Variants in AGBL1 observed in about 807,000 individuals in gnomAD.
The protein encoded by AGBL1 is cytosolic carboxypeptidase 4.
In AGBL1, 130 loss-of-function variants were observed where a neutral mutation model predicts 118.9. That is an observed-to-expected ratio of 1.09 (90% CI 0.95 to 1.26). The LOEUF is 1.26. Among genes scored for constraint, AGBL1 ranks in the 50% most tolerant of loss-of-function variants. The pLI is 0.00. For synonymous variants in AGBL1, 555 were observed against 478.9 expected (o/e 1.16, Z -2.08); for missense variants, 1,584 against 1,298.1 (o/e 1.22, Z -3.38).
At chr15:86,487,093 C>T (rs1396040255) in intron 18 of AGBL1, among the ~76,000 whole-genome samples, 2 of 152,056 alleles carry the variant, frequency 1.3e-5, no homozygotes, top group East Asian at 3.9e-4. Context: ...TCCTGCCAGC[C>T]CTTGGGCTTG....
intron 17 of AGBL1, among the ~76,000 whole-genome samples, chr15:86,385,455 A>G (rs1445314532): frequency 6.6e-6 from 1 of 152,200 alleles, no homozygotes; most frequent in Non-Finnish European, 1.5e-5. Flanking sequence ...CAGAATCTGC[A>G]TTTCAGCAAG....
intron 1 of AGBL1, among the ~76,000 whole-genome samples, chr15:86,090,952 A>G (rs1217110894): frequency 6.6e-6 from 1 of 152,162 alleles, no homozygotes; most frequent in African/African-American, 2.4e-5. Context: ...TGTACCACCC[A>G]ATAGAGCTCT....
At chr15:86,422,659 T>A (rs574543981) in intron 18 of AGBL1, among the ~76,000 whole-genome samples, 1 of 151,916 alleles carries the variant, frequency 6.6e-6, no homozygotes, top group East Asian at 1.9e-4. Flanking sequence ...CAGGAGCTGA[T>A]TTTTTTTGAA....
chr15:86,880,944 G>T lies in AGBL1; in HGVS notation c.3159-26143G>T, dbSNP rs147636222. Reference sequence around the variant, plus strand: ...CCGCCTCCTCTCCTAGGAGGGCCAGGGGAGGGGGCGTCTGTGTGTTCTTCA... The same window carrying T: ...CCGCCTCCTCTCCTAGGAGGGCCAGTGGAGGGGGCGTCTGTGTGTTCTTCA... On this transcript the variant is annotated intron_variant, in intron 22 of 22. Transcript: ENST00000614907. 4.1e-3 allele frequency among the ~76,000 whole-genome samples: 622 copies of T among 152,220 alleles called. 8 individuals are homozygous for T. The highest frequency in any genetic ancestry group is 0.014 in the African/African-American group (601 of 41,540).
At chr15:86,881,726 C>G (rs1300162736) in intron 22 of AGBL1, among the ~76,000 whole-genome samples, 2 of 152,176 alleles carry the variant, frequency 1.3e-5, no homozygotes, top group African/African-American at 4.8e-5. Flanking sequence ...CCTCCGCCTC[C>G]CGGGTTTTAA....
intron 22 of AGBL1, among the ~76,000 whole-genome samples, chr15:86,744,888 G>A (rs762983906): frequency 2.0e-5 from 3 of 152,264 alleles, no homozygotes; most frequent in South Asian, 2.1e-4. Context: ...GTGTCATTCT[G>A]CAAACCTCTG....
Position 86,912,404 on chromosome 15 carries a change from G to A in AGBL1, c.*5110G>A, listed in dbSNP as rs996232779. On this transcript the variant is annotated 3_prime_UTR_variant, in exon 23 of 23. Coordinates refer to ENST00000614907, the MANE Select transcript of AGBL1 (RefSeq NM_001386094.1). Reference sequence around the variant, plus strand: ...TCCTATGCTCCCTTTGGTGAGAACTGTCTGTGCAGCTCCATGGATATCATG... The same window carrying A: ...TCCTATGCTCCCTTTGGTGAGAACTATCTGTGCAGCTCCATGGATATCATG... 4.6e-5 allele frequency: 7 copies of A among 152,162 alleles called. No homozygotes were observed. Among genetic ancestry groups the A allele is most frequent in the African/African-American group, 1.7e-4 (7 of 41,416 alleles). 9.4% of individuals were successfully genotyped at this position (152,162 alleles called of 1,614,324 possible).
chr15:86,997,890 G>GAC (rs3030280), intron 24 of AGBL1, among the ~76,000 whole-genome samples: 1,635 of 145,894 alleles, frequency 0.011, 13 homozygotes, highest in Admixed American at 0.019. Context: ...ACATGTGGAA[G>GAC]ACACACACAC....
chr15:86,139,516 C>T (rs2076933413), intron 1 of AGBL1, among the ~76,000 whole-genome samples: 2 of 152,064 alleles, frequency 1.3e-5, no homozygotes, highest in South Asian at 4.1e-4. Context: ...GGTGTGGTGG[C>T]TCATGCCTGT....
intron 5 of AGBL1, among the ~76,000 whole-genome samples, chr15:86,170,885 CAAAA>C (rs34169705): frequency 2.2e-5 from 3 of 137,100 alleles, no homozygotes; most frequent in Non-Finnish European, 4.9e-5. Flanking sequence ...AAACCAATGA[CAAAA>C]AAAAAAAAAA....
chr15:86,711,974 C>G (rs1223230402), intron 22 of AGBL1, among the ~76,000 whole-genome samples: 1 of 152,104 alleles, frequency 6.6e-6, no homozygotes, highest in Admixed American at 6.6e-5. Flanking sequence ...CAAGGTGGGT[C>G]TTATTTCTGC....
intron 19 of AGBL1, among the ~76,000 whole-genome samples, chr15:86,526,287 C>G (rs2083261182): frequency 1.3e-5 from 2 of 151,952 alleles, no homozygotes; most frequent in South Asian, 2.1e-4. Context: ...AGTACAACCT[C>G]TATGAAAAAC....
intron 22 of AGBL1, among the ~76,000 whole-genome samples, chr15:86,857,321 C>A (rs2079497320): frequency 6.6e-6 from 1 of 152,162 alleles, no homozygotes; most frequent in South Asian, 2.1e-4. Context: ...AGCTTCCCAT[C>A]CTTCCAGTAA....
chr15:86,374,450 C>T (rs1245452060), intron 17 of AGBL1, among the ~76,000 whole-genome samples: 1 of 152,224 alleles, frequency 6.6e-6, no homozygotes, highest in African/African-American at 2.4e-5. Flanking sequence ...GCAGCACCTT[C>T]TTTGGGGCAT....
chr15:86,288,979 A>G (rs573608818), intron 16 of AGBL1, among the ~76,000 whole-genome samples: 1 of 152,256 alleles, frequency 6.6e-6, no homozygotes, highest in East Asian at 1.9e-4. Context: ...ATATGGCTTC[A>G]TTGTATATTA....
intron 21 of AGBL1, among the ~76,000 whole-genome samples, chr15:86,669,182 C>A (rs936406045): frequency 2.0e-4 from 30 of 152,024 alleles, no homozygotes; most frequent in African/African-American, 7.2e-4. Context: ...ACAGAAAAAT[C>A]AAACTACTGT....
intron 5 of AGBL1, among the ~76,000 whole-genome samples, chr15:86,190,967 G>T (rs1004821101): frequency 1.3e-5 from 2 of 152,128 alleles, no homozygotes; most frequent in Non-Finnish European, 2.9e-5. Flanking sequence ...AGGATATCAT[G>T]AATTCAGTGA....
At chr15:86,338,997 G>A (rs189122730) in intron 17 of AGBL1, among the ~76,000 whole-genome samples, 1 of 152,118 alleles carries the variant, frequency 6.6e-6, no homozygotes, top group Non-Finnish European at 1.5e-5. Flanking sequence ...TATCATAAGT[G>A]GGTGTTGAAT....
chr15:86,201,784 A>C (rs1230115185), intron 5 of AGBL1, among the ~76,000 whole-genome samples: 1 of 152,162 alleles, frequency 6.6e-6, no homozygotes, highest in Admixed American at 6.6e-5. Context: ...ATTTATGTGG[A>C]GCTTCAGTAA....
Sources: gnomAD v4.1 joint callset for allele counts (sites outside exome capture counted in the v4.1 genomes callset) on GRCh38, gnomAD v4.1.1 for gene constraint, MANE v1.5 for transcripts, NCBI Gene and HGNC (gene_info 2026-07-23, HGNC 2026-07-21) for gene names.